INSR: variants seen among roughly 807,000 people sequenced by gnomAD.
INSR encodes insulin receptor.
INSR carries 67 observed loss-of-function variants against 142.6 expected under a neutral mutation model. The observed-to-expected ratio is 0.47, with a 90% CI of 0.39 to 0.58. The LOEUF (loss-of-function observed/expected upper bound fraction) is 0.58, where lower values mean the gene tolerates loss of function less well. Among genes scored for constraint, INSR ranks in the 20% least tolerant of loss-of-function variants. INSR has a pLI of 0.00. For missense variants in INSR, 1,248 were observed against 1,833.2 expected, an observed-to-expected ratio of 0.68 and a Z score of 5.83; for synonymous variants, 756 against 743.1, an observed-to-expected ratio of 1.02 and a Z score of -0.28.
chr19:7,117,041 C>A lies in INSR; in HGVS notation c.*15G>T, dbSNP rs1972346798. On this transcript the variant is annotated 3_prime_UTR_variant, in exon 22 of 22. Transcript: ENST00000302850. ...AAATGGGAACCCCTGCCCGCCCCCG[C>A]CACGGTAGGCACTGTTAGGAAGGAT... is the stretch of plus-strand genomic sequence containing the variant. 1 of 1,609,026 alleles carries A rather than the reference C, an allele frequency of 6.2e-7. No homozygotes were observed. The highest frequency in any genetic ancestry group is 1.3e-5 in the African/African-American group (1 of 74,918).
chr19:7,154,824 T>C (rs1973548876), intron 9 of INSR, among the ~76,000 whole-genome samples: 2 of 151,628 alleles, frequency 1.3e-5, no homozygotes, highest in Admixed American at 1.3e-4. Context: ...CTCAGGAGGC[T>C]GAGGCAGGAG....
At chr19:7,227,081 A>G (rs1975810159) in intron 2 of INSR, among the ~76,000 whole-genome samples, 1 of 152,308 alleles carries the variant, frequency 6.6e-6, no homozygotes, top group South Asian at 2.1e-4. Flanking sequence ...CAGGCATTCC[A>G]TGACTTTTGC....
In INSR at chr19:7,180,174, C is replaced by T. The variant is rs1040652417; in HGVS notation, c.974+4142G>A. On this transcript the variant is annotated intron_variant, in intron 3 of 21. Coordinates refer to ENST00000302850, the MANE Select transcript of INSR (RefSeq NM_000208.4). Reference sequence around the variant, plus strand: ...ACTAAGCACTGAGGTGGTTTTGTTACGCAACAAGAGCTAGCTGATACACTC... The same window carrying T: ...ACTAAGCACTGAGGTGGTTTTGTTATGCAACAAGAGCTAGCTGATACACTC... Among the ~76,000 whole-genome samples, 7 of 152,146 alleles carry T rather than the reference C, an allele frequency of 4.6e-5. 1 individual carries two copies. Among genetic ancestry groups the T allele is most frequent in the Admixed American group, 1.3e-4 (2 of 15,254 alleles).
intron 13 of INSR, among the ~76,000 whole-genome samples, chr19:7,134,646 T>C (rs1217468857): frequency 6.6e-6 from 1 of 151,366 alleles, no homozygotes; most frequent in Admixed American, 6.6e-5. Flanking sequence ...GCGCCTGTAA[T>C]CCCAGCTACT....
At chr19:7,140,135 A>T (rs1480424684) in intron 13 of INSR, among the ~76,000 whole-genome samples, 2 of 152,206 alleles carry the variant, frequency 1.3e-5, no homozygotes, top group African/African-American at 2.4e-5. Flanking sequence ...TTAGAATTAG[A>T]TCTCAATTGT....
rs1420077169 is a variant in INSR, at chr19:7,159,933, T to C, written c.2029+3099A>G. Among the ~76,000 whole-genome samples, 1 of 152,162 alleles carries C rather than the reference T, an allele frequency of 6.6e-6. No individual in the cohort carries two copies. The highest frequency in any genetic ancestry group is 1.5e-5 in the Non-Finnish European group (1 of 68,038). On this transcript the variant is annotated intron_variant, in intron 9 of 21. Transcript: ENST00000302850. The surrounding 1 kb of genome is among the most constrained non-coding windows in gnomAD (Gnocchi z 4.3). ...CCCCTGGCCTTCTCCTCCAGGGTCATGGACCGAGGATATCACTAACAGAAA... is the reference window on the plus strand; with the variant it reads ...CCCCTGGCCTTCTCCTCCAGGGTCACGGACCGAGGATATCACTAACAGAAA...
At chr19:7,191,068 AG>A (rs1974570980) in intron 2 of INSR, among the ~76,000 whole-genome samples, 1 of 151,938 alleles carries the variant, frequency 6.6e-6, no homozygotes, top group Non-Finnish European at 1.5e-5. Flanking sequence ...AGGCCGTGGC[AG>A]GTGGATCACC....
rs181698215 is a variant in INSR, at chr19:7,154,516, A to C, written c.2030-1589T>G. On this transcript the variant is annotated intron_variant, in intron 9 of 21. Transcript: ENST00000302850. ...ATGGGGTTTCATTGTGTTAGCCAGG[A>C]TGGTCTCGATCTCCTGACCTCGTGA... Among the ~76,000 whole-genome samples the C allele has an allele frequency of 3.5e-3, 520 of 150,432 alleles. 4 individuals are homozygous for C. The highest frequency in any genetic ancestry group is 0.02 in the South Asian group (94 of 4,780).
At chr19:7,160,995 CAAAA>C (rs371302865) in intron 9 of INSR, among the ~76,000 whole-genome samples, 1 of 101,802 alleles carries the variant, frequency 9.8e-6, no homozygotes, top group Non-Finnish European at 2.0e-5. Flanking sequence ...GACTCCGTGT[CAAAA>C]AAAAAAAAAA....
rs1178953100 is a variant in INSR, at chr19:7,270,339, TCACACACACACACA to T, written c.101-2457_101-2444del. Among the ~76,000 whole-genome samples, 246 of 120,302 alleles carry T rather than the reference TCACACACACACACA, an allele frequency of 2.0e-3. 1 individual carries two copies. The highest frequency in any genetic ancestry group is 7.3e-3 in the African/African-American group (214 of 29,516). 78.9% of individuals were successfully genotyped at this position (120,302 alleles called of 152,430 possible). On this transcript the variant is annotated intron_variant, in intron 1 of 21. Transcript: ENST00000302850. ...ATTTCTCTCTCTCTCTCTCTCTCTCTCACACACACACACACACACACACACACACACACACACAC... is the reference window on the plus strand; with the variant it reads ...ATTTCTCTCTCTCTCTCTCTCTCTCTCACACACACACACACACACACACAC...
At position 7,172,456 on chromosome 19, in the gene INSR, C is replaced by T. The variant is rs143742229; in HGVS notation, c.1124-22G>A. 1.7e-4 allele frequency: 274 copies of T among 1,612,332 alleles called. No individual in the cohort carries two copies. The African/African-American group carries it at 3.2e-3, about 19-fold the overall frequency. On this transcript the variant is annotated intron_variant, in intron 4 of 21. Transcript: ENST00000302850. The stretch of plus-strand genomic sequence containing the variant: ...TTGTCTAAGGAAAGGAGAGAATATC[C>T]AGTGGGTTTCTATAGACATATTTCA...
At position 7,132,210 on chromosome 19, in the gene INSR, A is replaced by G. The variant is rs747254466; in HGVS notation, c.2790T>C (p.Leu930=). 6.2e-7 allele frequency: 1 copy of G among 1,614,220 alleles called. No homozygotes were observed. Among genetic ancestry groups the G allele is most frequent in the East Asian group, 2.2e-5 (1 of 44,876 alleles). The stretch of plus-strand genomic sequence containing the variant: ...GTTCCGTCCAAGAGCCGTTGCCCGC[A>G]AGGGAGGTGGCCCGGATTCGCACGC... The part of the protein sequence containing the change: ...NYSVRIRATS[L]AGNGSWTEPT... Residue 930 remains leucine, a synonymous_variant, in exon 14 of 22, where the codon CTT becomes CTC. Transcript: ENST00000302850.
intron 2 of INSR, among the ~76,000 whole-genome samples, chr19:7,248,505 A>AAAAAAAAAAG (rs1555686588): frequency 7.7e-6 from 1 of 130,386 alleles, no homozygotes; most frequent in Non-Finnish European, 1.6e-5. Flanking sequence ...AAAAAAAAAA[A>AAAAAAAAAAG]AAAGCATGAC....
intron 1 of INSR, among the ~76,000 whole-genome samples, chr19:7,276,494 G>A (rs970475537): frequency 1.3e-5 from 2 of 152,032 alleles, no homozygotes; most frequent in East Asian, 1.9e-4. Context: ...GGGCCCACAC[G>A]TCCCTTTCCA....
chr19:7,178,237 G>A (rs995954514), intron 3 of INSR, among the ~76,000 whole-genome samples: 60 of 99,824 alleles, frequency 6.0e-4, no homozygotes, highest in Non-Finnish European at 2.8e-4. Context: ...ATGTCGGGGT[G>A]ACTTGTGGGG....
intron 2 of INSR, among the ~76,000 whole-genome samples, chr19:7,242,734 CAA>C (rs71177186): frequency 7.6e-4 from 70 of 92,110 alleles, no homozygotes; most frequent in South Asian, 2.5e-3. Context: ...GAGACTGCCT[CAA>C]AAAAAAAAAA....
intron 2 of INSR, among the ~76,000 whole-genome samples, chr19:7,190,412 G>A (rs1003630761): frequency 2.5e-5 from 3 of 119,300 alleles, no homozygotes; most frequent in Non-Finnish European, 4.9e-5. Flanking sequence ...TCACTCTGTT[G>A]TCCAGGCTGA....
At chr19:7,280,120 C>T (rs558790662) in intron 1 of INSR, among the ~76,000 whole-genome samples, 7 of 150,712 alleles carry the variant, frequency 4.6e-5, no homozygotes, top group Non-Finnish European at 7.4e-5. Context: ...AAAAATTAGC[C>T]GGGCGTGGTG....
In INSR at chr19:7,178,274, T is replaced by TG. The variant is rs768184442; in HGVS notation, c.975-3544dup. Among the ~76,000 whole-genome samples, 111 of 37,496 alleles carry TG rather than the reference T, an allele frequency of 3.0e-3. 2 individuals carry two copies. Among genetic ancestry groups the TG allele is most frequent in the East Asian group, 0.021 (25 of 1,216 alleles). The allele number at this position is 37,496 out of a possible 152,430, so 24.6% of individuals were successfully genotyped here. ...GGGGGGTGCCTAGATAACATGAGGG[T>TG]GGGGGGCGGTCACCAGAAAGAACAA... is the stretch of plus-strand genomic sequence containing the variant. On this transcript the variant is annotated intron_variant, in intron 3 of 21. Transcript: ENST00000302850.
Sources: allele counts gnomAD v4.1 joint callset (sites outside exome capture counted in the v4.1 genomes callset), GRCh38; gene constraint gnomAD v4.1.1; non-coding constraint Gnocchi (gnomAD v3.1); transcripts MANE v1.5; gene names NCBI Gene and HGNC (gene_info 2026-07-23, HGNC 2026-07-21).